Variants in TTC3 observed in about 807,000 individuals in gnomAD.
The protein encoded by TTC3 is E3 ubiquitin-protein ligase TTC3.
TTC3 carries 180 observed loss-of-function variants against 249.6 expected under a neutral mutation model. That is an observed-to-expected ratio of 0.72 (90% CI 0.64 to 0.82). TTC3 has a LOEUF of 0.82. Among genes scored for constraint, TTC3 ranks in the 40% least tolerant of loss-of-function variants. TTC3 has a pLI of 0.00. For missense variants in TTC3, 2,061 were observed against 2,398.4 expected (o/e 0.86, Z 2.94); for synonymous variants, 717 against 805.0 (o/e 0.89, Z 1.85).
exon 39 of TTC3, chr21:37,188,568 T>C (rs1326650229): frequency 6.2e-7 from 1 of 1,614,054 alleles, no homozygotes; most frequent in South Asian, 1.1e-5. Flanking sequence ...GCAGAAGCCT[T>C]TCTGAAGAAG....
At chr21:37,125,628 T>C (rs1300794075) in intron 14 of TTC3, among the ~76,000 whole-genome samples, 1 of 151,742 alleles carries the variant, frequency 6.6e-6, no homozygotes, top group Non-Finnish European at 1.5e-5. Flanking sequence ...TTGATTATAT[T>C]TAATAATTTA....
intron 11 of TTC3, among the ~76,000 whole-genome samples, chr21:37,108,812 A>T (rs1286262237): frequency 6.6e-6 from 1 of 152,182 alleles, no homozygotes; most frequent in East Asian, 1.9e-4. Flanking sequence ...ACAGTGCACA[A>T]ATCAGCAGTG....
At chr21:37,142,783 G>T (rs1434302111) in intron 20 of TTC3, among the ~76,000 whole-genome samples, 2 of 152,154 alleles carry the variant, frequency 1.3e-5, no homozygotes, top group Non-Finnish European at 1.5e-5. Context: ...AGCCCGCATT[G>T]CCAAGTCAAT....
exon 21 of TTC3, chr21:37,144,617 T>C: frequency 5.0e-6 from 8 of 1,611,456 alleles, no homozygotes; most frequent in Non-Finnish European, 5.9e-6. Context: ...AATGTGATTA[T>C]TGAAGAGTCT....
intron 1 of TTC3, chr21:37,081,685 C>G (rs952946481): frequency 6.6e-6 from 1 of 151,984 alleles, no homozygotes. Context: ...GTTTCCAGAT[C>G]ACTTATTCTT....
At chr21:37,144,797 T>C (rs1240646006) in intron 21 of TTC3, 152 bp downstream of exon 21, 14 of 1,018,692 alleles carry the variant, frequency 1.4e-5, no homozygotes, top group Non-Finnish European at 1.9e-5. Flanking sequence ...TCTCTGACAT[T>C]TATTGAATGT....
chr21:37,160,552 C>T (rs1189086856), intron 29 of TTC3, among the ~76,000 whole-genome samples: 1 of 152,088 alleles, frequency 6.6e-6, no homozygotes, highest in Admixed American at 6.5e-5. Context: ...AATAACAGTC[C>T]AACCCTGTGG....
intron 4 of TTC3, 123 bp downstream of exon 4, chr21:37,088,469 A>G (rs2072810223): frequency 4.0e-6 from 5 of 1,247,548 alleles, no homozygotes; most frequent in Non-Finnish European, 5.5e-6. Flanking sequence ...CGTTTGTGTA[A>G]TAGGGTGGAA....
chr21:37,152,346 A>G (rs182682126), intron 26 of TTC3, among the ~76,000 whole-genome samples: 11 of 151,896 alleles, frequency 7.2e-5, no homozygotes, highest in African/African-American at 2.7e-4. Flanking sequence ...AGGATTGTTG[A>G]AGGAAGTGGC....
In TTC3 at chr21:37,156,030, T is replaced by G. The variant is rs181489506; in HGVS notation, c.2741-625T>G. On this transcript the variant is annotated intron_variant, in intron 27 of 45. Transcript: ENST00000355666. ...AAGTCTTTATGAATTAGTGAAAACA[T>G]TGTTTGGGTTTGTTTTTTTTTTTAG... Among the ~76,000 whole-genome samples, 176 of 120,868 alleles carry G rather than the reference T, an allele frequency of 1.5e-3. 1 individual carries two copies. Among genetic ancestry groups the G allele is most frequent in the African/African-American group, 5.8e-3 (174 of 29,844 alleles). 79.3% of individuals were successfully genotyped at this position (120,868 alleles called of 152,430 possible).
At chr21:37,095,286 G>A in intron 8 of TTC3, 64 bp from the exon 9 acceptor site, 1 of 982,316 alleles carries the variant, frequency 1.0e-6, no homozygotes. Flanking sequence ...ATTTTTACTA[G>A]GTATTGGGTT....
At chr21:37,130,724 T>G (rs1203063227) in intron 16 of TTC3, among the ~76,000 whole-genome samples, 1 of 152,174 alleles carries the variant, frequency 6.6e-6, no homozygotes, top group Non-Finnish European at 1.5e-5. Context: ...TATCCCCCAT[T>G]TTTGTGCATT....
chr21:37,110,852 ATC>A (rs563089532), intron 11 of TTC3, among the ~76,000 whole-genome samples: 1,919 of 152,364 alleles, frequency 0.013, 40 homozygotes, highest in African/African-American at 0.043. Flanking sequence ...CTAACTGCTG[ATC>A]TCTCGGCAGA....
chr21:37,078,576 T>A (rs554111607), intron 1 of TTC3, among the ~76,000 whole-genome samples: 1 of 149,506 alleles, frequency 6.7e-6, no homozygotes, highest in Non-Finnish European at 1.5e-5. Flanking sequence ...GATTCTATCT[T>A]AACTTATTTA....
intron 45 of TTC3, among the ~76,000 whole-genome samples, chr21:37,201,117 G>A (rs927332776): frequency 1.2e-4 from 18 of 152,336 alleles, no homozygotes; most frequent in Non-Finnish European, 2.4e-4. Flanking sequence ...TCATAGGGCC[G>A]AGAATGCCAG....
At chr21:37,090,896 A>G (rs573378321) in intron 6 of TTC3, among the ~76,000 whole-genome samples, 1 of 152,124 alleles carries the variant, frequency 6.6e-6, no homozygotes, top group Non-Finnish European at 1.5e-5. Context: ...ACTTTAATCT[A>G]TAAATTTAAC....
At chr21:37,143,581 A>T (rs1252696462) in intron 20 of TTC3, among the ~76,000 whole-genome samples, 2 of 151,956 alleles carry the variant, frequency 1.3e-5, no homozygotes, top group Non-Finnish European at 2.9e-5. Flanking sequence ...ATCATTAAAA[A>T]GTCAAGAAAC....
intron 10 of TTC3, 67 bp from the exon 11 acceptor site, chr21:37,108,325 A>G: frequency 2.3e-6 from 3 of 1,306,530 alleles, no homozygotes; most frequent in Non-Finnish European, 3.2e-6. Context: ...CAAAGTACAC[A>G]TATGCAAGAT....
chr21:37,170,490 G>A (rs2081665873), intron 34 of TTC3, among the ~76,000 whole-genome samples: 1 of 152,202 alleles, frequency 6.6e-6, no homozygotes, highest in South Asian at 2.1e-4. Flanking sequence ...TGTATAGAGA[G>A]ACCAGTGAGC....
Sources: allele counts gnomAD v4.1 joint callset (sites outside exome capture counted in the v4.1 genomes callset), GRCh38; gene constraint gnomAD v4.1.1; transcripts MANE v1.5; gene names NCBI Gene and HGNC (gene_info 2026-07-23, HGNC 2026-07-21).